KCNQ1: variants seen among roughly 807,000 people sequenced by gnomAD.
The protein encoded by KCNQ1 is potassium voltage-gated channel subfamily Q member 1.
In KCNQ1, 49 loss-of-function variants were observed where a neutral mutation model predicts 72.4. The observed-to-expected ratio is 0.68, with a 90% CI of 0.54 to 0.86. The LOEUF (loss-of-function observed/expected upper bound fraction) is 0.86. KCNQ1 is among the 40% of genes least tolerant of loss of function. The probability of loss-of-function intolerance (pLI) is 0.00; values close to 1 mark genes in which losing one functional copy is unlikely to be tolerated. For missense variants in KCNQ1, 790 were observed against 945.1 expected (o/e 0.84, Z 2.15); for synonymous variants, 450 against 412.6 (o/e 1.09, Z -1.10).
At chr11:2,622,298 A>G in intron 10 of KCNQ1, 1 of 398,328 alleles carries the variant, frequency 2.5e-6, no homozygotes, top group Non-Finnish European at 4.4e-6. Flanking sequence ...TCAGTATGTA[A>G]TGTCCTCCTT....
intron 6 of KCNQ1, among the ~76,000 whole-genome samples, chr11:2,580,699 C>T (rs1277727344): frequency 6.6e-6 from 1 of 152,200 alleles, no homozygotes; most frequent in East Asian, 1.9e-4. Context: ...CAGCCCTGTC[C>T]TGGACGCAGC....
chr11:2,838,226 G>A (rs111269155), intron 15 of KCNQ1, among the ~76,000 whole-genome samples: 1 of 152,276 alleles, frequency 6.6e-6, no homozygotes, highest in African/African-American at 2.4e-5. Flanking sequence ...GTGGCTCACA[G>A]CCACTGGCAG....
Position 2,570,643 on chromosome 11 carries a change from G to A in KCNQ1, c.493G>A (p.Val165Met), listed in dbSNP as rs1085307580. The stretch of plus-strand genomic sequence containing the variant: ...GTCCCTGCAGGAGATCGTGCTGGTG[G>A]TGTTCTTCGGGACGGAGTACGTGGT... ...TLFWMEIVLVVFFGTEYVVRL... is the reference protein window; with the variant it reads ...TLFWMEIVLVMFFGTEYVVRL... Residue 165 changes from valine (V) to methionine (M), a missense_variant, in exon 3 of 16, where the codon GTG becomes ATG. By Grantham distance (21) the Val-to-Met change is conservative (BLOSUM62 1). This residue lies in a region of KCNQ1 where 294 missense variants were observed against 323.3 expected (regional missense o/e 0.91). Coordinates refer to ENST00000155840, the MANE Select transcript of KCNQ1 (RefSeq NM_000218.3). The A allele has an allele frequency of 2.5e-5, 40 of 1,612,640 alleles. No homozygotes were observed. In the African/African-American group the frequency reaches 2.5e-4, roughly 10 times the overall value.
intron 10 of KCNQ1, chr11:2,628,096 C>T: frequency 2.5e-6 from 1 of 398,598 alleles, no homozygotes; most frequent in Non-Finnish European, 4.4e-6. Flanking sequence ...CTACAATGAA[C>T]ATGGGAGTGC....
In KCNQ1 at chr11:2,508,184, C is replaced by T. The variant is rs1318690622; in HGVS notation, c.387-19744C>T. Among the ~76,000 whole-genome samples the T allele has an allele frequency of 2.0e-5, 3 of 152,202 alleles. No individual in the cohort carries two copies. Among genetic ancestry groups the T allele is most frequent in the Non-Finnish European group, 1.5e-5 (1 of 68,030 alleles). ...ATGCTGCTGCTGAAGGTGAGGTTTG[C>T]AAACACTAGGCATGCATGTTTGAGG... On this transcript the variant is annotated intron_variant, in intron 1 of 15. Transcript: ENST00000155840. This position sits in a 1 kb window ranked among gnomAD's most constrained non-coding sequence, Gnocchi z 6.2.
At chr11:2,561,234 G>T (rs1848162450) in intron 2 of KCNQ1, among the ~76,000 whole-genome samples, 1 of 145,024 alleles carries the variant, frequency 6.9e-6, no homozygotes, top group African/African-American at 2.6e-5. Context: ...GAAAAAAAAG[G>T]AACTCCCAGG....
rs887115898 is a variant in KCNQ1 at position 2,787,538 on chromosome 11, A to G, written c.1794+9501A>G. On this transcript the variant is annotated intron_variant, in intron 15 of 15. Transcript: ENST00000155840. This position sits in a 1 kb window ranked among gnomAD's most constrained non-coding sequence, Gnocchi z 6.3. ...CCACAGATATCATTTTAAATTTTCTAATAGCCACTTTTTTAATTTAAAAGA... is the reference window on the plus strand; with the variant it reads ...CCACAGATATCATTTTAAATTTTCTGATAGCCACTTTTTTAATTTAAAAGA... Among the ~76,000 whole-genome samples the G allele has an allele frequency of 6.6e-6, 1 of 152,172 alleles. No individual in the cohort carries two copies. The highest frequency in any genetic ancestry group is 1.5e-5 in the Non-Finnish European group (1 of 68,040).
In KCNQ1 at chr11:2,621,396, G is replaced by GT. The variant is rs1849169979; in HGVS notation, c.1393+32548dup. 7.5e-6 allele frequency: 3 copies of GT among 398,568 alleles called. No individual in the cohort carries two copies. The East Asian group carries it at 1.1e-4, about 14-fold the overall frequency. 24.7% of individuals were successfully genotyped at this position (398,568 alleles called of 1,614,324 possible). ...CTTTGCCAATTCAATTGGATTATTC[G>GT]TTTTTTGCTTGTTGATTGGTTTAAG... On this transcript the variant is annotated intron_variant, in intron 10 of 15. Coordinates refer to ENST00000155840, the MANE Select transcript of KCNQ1 (RefSeq NM_000218.3). The surrounding 1 kb of genome is among the most constrained non-coding windows in gnomAD (Gnocchi z 5.7).
At chr11:2,718,756 A>ACCAAGC (rs1054003671) in intron 11 of KCNQ1, among the ~76,000 whole-genome samples, 5 of 152,170 alleles carry the variant, frequency 3.3e-5, no homozygotes, top group African/African-American at 1.2e-4. Context: ...GCTGGTGTTG[A>ACCAAGC]CCAAGCCCTG....
intron 11 of KCNQ1, chr11:2,697,211 AACT>A (rs1471242447): frequency 7.5e-6 from 3 of 398,494 alleles, no homozygotes. Flanking sequence ...CTAAGATGGT[AACT>A]ATCAACAGAT....
chr11:2,521,285 C>T (rs1589926770), intron 1 of KCNQ1, among the ~76,000 whole-genome samples: 1 of 151,970 alleles, frequency 6.6e-6, no homozygotes, highest in Non-Finnish European at 1.5e-5. Context: ...GTCCACAGAT[C>T]CCCTCTCCCT....
Position 2,617,495 on chromosome 11 carries a change from A to G in KCNQ1, c.1393+28641A>G. On this transcript the variant is annotated intron_variant, in intron 10 of 15. Transcript: ENST00000155840. The surrounding 1 kb of genome is among the most constrained non-coding windows in gnomAD (Gnocchi z 4.6). ...TGGACACGTAAGTTTTCATATCGTG[A>G]CTCATGCATATAATGCCACAATGAA... The G allele has an allele frequency of 2.5e-6, 1 of 398,446 alleles. No individual in the cohort carries two copies. The highest frequency in any genetic ancestry group is 4.4e-6 in the Non-Finnish European group (1 of 225,964). 24.7% of individuals were successfully genotyped at this position (398,446 alleles called of 1,614,324 possible).
chr11:2,445,499 C>T lies in KCNQ1; in HGVS notation c.386+15C>T, dbSNP rs754982943. The T allele has an allele frequency of 5.7e-6, 9 of 1,588,356 alleles. No homozygotes were observed. The highest frequency in any genetic ancestry group is 2.2e-5 in the East Asian group (1 of 44,520). On this transcript the variant is annotated intron_variant, in intron 1 of 15. Coordinates refer to ENST00000155840, the MANE Select transcript of KCNQ1 (RefSeq NM_000218.3). ...CACTTCGCCGTGTGAGTATCGCCAC[C>T]GGCGACGGCCGGCACGAAGGTGCTT...
Position 2,617,908 on chromosome 11 carries a change from G to A in KCNQ1, c.1393+29054G>A, listed in dbSNP as rs966190668. 5 of 398,408 alleles carry A rather than the reference G, an allele frequency of 1.3e-5. No homozygotes were observed. Among genetic ancestry groups the A allele is most frequent in the African/African-American group, 1.0e-4 (5 of 48,626 alleles). The allele number at this position is 398,408 out of a possible 1,614,324, so 24.7% of individuals were successfully genotyped here. A position where few individuals can be genotyped will look rare whatever the true frequency, so the allele number is the denominator to read the frequency against. On this transcript the variant is annotated intron_variant, in intron 10 of 15. Transcript: ENST00000155840. This position sits in a 1 kb window ranked among gnomAD's most constrained non-coding sequence, Gnocchi z 4.6. ...CTATTTTCTTGTTATTGAGTTGTAT[G>A]CATTCCTTATAAATTTTGGATATTA...
rs1848690757 is a variant in KCNQ1 at position 2,593,056 on chromosome 11, T to A, written c.1393+4202T>A. 6.6e-6 allele frequency among the ~76,000 whole-genome samples: 1 copy of A among 152,202 alleles called. No individual in the cohort carries two copies. Among genetic ancestry groups the A allele is most frequent in the Non-Finnish European group, 1.5e-5 (1 of 68,024 alleles). On this transcript the variant is annotated intron_variant, in intron 10 of 15. Coordinates refer to ENST00000155840, the MANE Select transcript of KCNQ1 (RefSeq NM_000218.3). This position sits in a 1 kb window ranked among gnomAD's most constrained non-coding sequence, Gnocchi z 6.9. Reference sequence around the variant, plus strand: ...CACAGCCAGGTCACCATTGACCAGGTTGTCCAGTCCCCTCCTCATAGGGGA... The same window carrying A: ...CACAGCCAGGTCACCATTGACCAGGATGTCCAGTCCCCTCCTCATAGGGGA...
At chr11:2,545,894 G>T (rs1200495569) in intron 2 of KCNQ1, among the ~76,000 whole-genome samples, 1 of 152,082 alleles carries the variant, frequency 6.6e-6, no homozygotes, top group Non-Finnish European at 1.5e-5. Flanking sequence ...CTAGTAATTT[G>T]TGCCTCTTTC....
rs887497849 is a variant in KCNQ1 at position 2,818,252 on chromosome 11, C to T, written c.1795-29515C>T. Among the ~76,000 whole-genome samples, 2 of 152,182 alleles carry T rather than the reference C, an allele frequency of 1.3e-5. No individual in the cohort carries two copies. The highest frequency in any genetic ancestry group is 2.9e-5 in the Non-Finnish European group (2 of 68,030). ...GAGTGTGGGGGTCAGGAATGGCGTC[C>T]TTGTGCCCTTGTCACCCACTCCTGT... On this transcript the variant is annotated intron_variant, in intron 15 of 15. Coordinates refer to ENST00000155840, the MANE Select transcript of KCNQ1 (RefSeq NM_000218.3). The surrounding 1 kb of genome is among the most constrained non-coding windows in gnomAD (Gnocchi z 7.2).
intron 11 of KCNQ1, among the ~76,000 whole-genome samples, chr11:2,756,337 T>G (rs1284607292): frequency 2.0e-5 from 3 of 150,156 alleles, no homozygotes; most frequent in Non-Finnish European, 4.4e-5. Context: ...TTAAACTAAT[T>G]AAAGCAAACA....
chr11:2,531,956 A>T (rs1589933708), intron 2 of KCNQ1, among the ~76,000 whole-genome samples: 2 of 152,296 alleles, frequency 1.3e-5, no homozygotes, highest in South Asian at 4.1e-4. Context: ...CACCTGTAAC[A>T]CTACCCACCC....
Sources: allele counts gnomAD v4.1 joint callset (sites outside exome capture counted in the v4.1 genomes callset), GRCh38; gene constraint gnomAD v4.1.1; regional missense constraint gnomAD v4.1.1; non-coding constraint Gnocchi (gnomAD v3.1); transcripts MANE v1.5; gene names NCBI Gene and HGNC (gene_info 2026-07-23, HGNC 2026-07-21).